Variants in UCK2 observed in about 807,000 individuals in gnomAD.
The protein encoded by UCK2 is cytidine monophosphokinase 2.
In UCK2, 6 loss-of-function variants were observed where a neutral mutation model predicts 30.8. The ratio of observed to expected loss-of-function variants is 0.19; its 90% CI spans 0.11 to 0.38. The LOEUF (loss-of-function observed/expected upper bound fraction) is 0.38, where lower values mean the gene tolerates loss of function less well. UCK2 is among the 10% of genes least tolerant of loss of function. UCK2 has a pLI of 1.00. For synonymous variants in UCK2, 125 were observed against 133.6 expected (o/e 0.94, Z 0.45); for missense variants, 210 against 339.8 (o/e 0.62, Z 3.00).
chr1:165,854,145 C>T (rs1243085896), intron 1 of UCK2, among the ~76,000 whole-genome samples: 1 of 152,146 alleles, frequency 6.6e-6, no homozygotes, highest in Non-Finnish European at 1.5e-5. Context: ...TTTCTGAGCG[C>T]ATAGGAAGCA....
Position 165,871,081 on chromosome 1 carries a change from G to T in UCK2, c.100-19123G>T, listed in dbSNP as rs183104816. 2.6e-5 allele frequency among the ~76,000 whole-genome samples: 4 copies of T among 152,294 alleles called. No individual in the cohort carries two copies. In the East Asian group the frequency reaches 7.7e-4, roughly 29 times the overall value. On this transcript the variant is annotated intron_variant, in intron 1 of 6. Transcript: ENST00000367879. ...CTGCCAGCGTTGCCCCTCCCAAAGTGCTGGGATTACAGGGGTGAGCCACCT... is the reference window on the plus strand; with the variant it reads ...CTGCCAGCGTTGCCCCTCCCAAAGTTCTGGGATTACAGGGGTGAGCCACCT...
intron 1 of UCK2, among the ~76,000 whole-genome samples, chr1:165,833,089 T>C (rs77445029): frequency 0.068 from 10,398 of 152,200 alleles, 1,166 homozygotes; most frequent in African/African-American, 0.24. Flanking sequence ...CTTCAGAATG[T>C]GCTCTGGACC....
chr1:165,859,742 C>CT (rs1445668686), intron 1 of UCK2, among the ~76,000 whole-genome samples: 1 of 152,092 alleles, frequency 6.6e-6, no homozygotes, highest in African/African-American at 2.4e-5. Flanking sequence ...TAGGGGGAAG[C>CT]TGAGGTAGGA....
chr1:165,883,067 G>T (rs1655539111), intron 1 of UCK2, among the ~76,000 whole-genome samples: 1 of 152,140 alleles, frequency 6.6e-6, no homozygotes, highest in Non-Finnish European at 1.5e-5. Context: ...CTCGTGATCT[G>T]CCTGACTCGG....
intron 1 of UCK2, among the ~76,000 whole-genome samples, chr1:165,828,795 G>A (rs1335901165): frequency 6.6e-6 from 1 of 152,166 alleles, no homozygotes; most frequent in Non-Finnish European, 1.5e-5. Flanking sequence ...TGCAGGTGGA[G>A]AAGGGTGGAG....
At chr1:165,891,469 G>A in intron 3 of UCK2, 147 bp downstream of exon 3, 2 of 689,626 alleles carry the variant, frequency 2.9e-6, no homozygotes, top group Non-Finnish European at 2.5e-6. Flanking sequence ...AGTGGAGTGG[G>A]TGGTGGCAGC....
intron 3 of UCK2, chr1:165,895,679 C>T: frequency 1.0e-6 from 1 of 983,336 alleles, no homozygotes; most frequent in Non-Finnish European, 1.2e-6. Flanking sequence ...CTTTATTTTC[C>T]CTCCTTCCCT....
chr1:165,889,975 G>A (rs1226007617), intron 1 of UCK2, among the ~76,000 whole-genome samples: 1 of 152,092 alleles, frequency 6.6e-6, no homozygotes, highest in Non-Finnish European at 1.5e-5. Flanking sequence ...AGTTTGCTAA[G>A]GATAGTGTCC....
At chr1:165,837,142 C>T (rs949878894) in intron 1 of UCK2, among the ~76,000 whole-genome samples, 1 of 152,240 alleles carries the variant, frequency 6.6e-6, no homozygotes, top group African/African-American at 2.4e-5. Context: ...CACTTCCCAA[C>T]ACTGCCACAT....
intron 1 of UCK2, among the ~76,000 whole-genome samples, chr1:165,859,736 G>A (rs1654847774): frequency 6.6e-6 from 1 of 152,116 alleles, no homozygotes; most frequent in Non-Finnish European, 1.5e-5. Context: ...GAGGAGTAGG[G>A]GGAAGCTGAG....
intron 4 of UCK2, among the ~76,000 whole-genome samples, chr1:165,902,144 G>A (rs1005729698): frequency 6.6e-6 from 1 of 152,120 alleles, no homozygotes; most frequent in Non-Finnish European, 1.5e-5. Flanking sequence ...GCTGAGGCAG[G>A]AGAATCGCTT....
chr1:165,872,811 A>G (rs746374154), intron 1 of UCK2, among the ~76,000 whole-genome samples: 17 of 152,206 alleles, frequency 1.1e-4, no homozygotes, highest in Non-Finnish European at 2.2e-4. Flanking sequence ...AAAATCATTC[A>G]CACATGGTTT....
At chr1:165,868,562 A>G (rs892385310) in intron 1 of UCK2, among the ~76,000 whole-genome samples, 4 of 152,210 alleles carry the variant, frequency 2.6e-5, no homozygotes, top group Admixed American at 2.6e-4. Flanking sequence ...TGTTAGGGAT[A>G]TGGTTTCTTA....
rs551565946 is a variant in UCK2 at position 165,849,336 on chromosome 1, G to A, written c.99+21404G>A. Among the ~76,000 whole-genome samples, 48 of 152,334 alleles carry A rather than the reference G, an allele frequency of 3.2e-4. No individual in the cohort carries two copies. In the Middle Eastern group the frequency reaches 0.01, roughly 32 times the overall value. ...GCTTCTGTTCTGAGAACCTGACCGA[G>A]AGGCAAAACATTGTCTCTATGTAGT... On this transcript the variant is annotated intron_variant, in intron 1 of 6. Transcript: ENST00000367879.
intron 1 of UCK2, among the ~76,000 whole-genome samples, chr1:165,881,742 G>A (rs193239050): frequency 5.1e-4 from 77 of 152,288 alleles, no homozygotes; most frequent in Non-Finnish European, 9.6e-4. Flanking sequence ...AGTTAATTTT[G>A]AACCACTTAA....
At chr1:165,831,125 G>T (rs552028340) in intron 1 of UCK2, among the ~76,000 whole-genome samples, 1 of 151,674 alleles carries the variant, frequency 6.6e-6, no homozygotes, top group Non-Finnish European at 1.5e-5. Context: ...ACCAAAAAAG[G>T]TTATGGCTGA....
chr1:165,906,444 GCA>G (rs1647662770), intron 6 of UCK2, among the ~76,000 whole-genome samples: 1 of 152,174 alleles, frequency 6.6e-6, no homozygotes, highest in South Asian at 2.1e-4. Context: ...AAGTGCAGTA[GCA>G]CAGTCACAGC....
rs369193672 is a variant in UCK2 at position 165,907,768 on chromosome 1, G to T, written c.731G>T (p.Gly244Val). ...CGGCAGACCAATGGCTGTCTCAACG[G>T]CTACACCCCTTCACGCAAGAGGCAG... ...SKRQTNGCLN[G>V]YTPSRKRQAS... The change falls in exon 7 of 7, where the codon GGC becomes GTC. Residue 244 changes from glycine to valine, a missense_variant. Gly to Val is a moderately radical substitution (Grantham distance 109). Coordinates refer to ENST00000367879, the MANE Select transcript of UCK2 (RefSeq NM_012474.5). 7.4e-6 allele frequency: 12 copies of T among 1,614,100 alleles called. No homozygotes were observed. The highest frequency in any genetic ancestry group is 1.0e-5 in the Non-Finnish European group (12 of 1,180,030).
chr1:165,879,520 C>A (rs1019587395), intron 1 of UCK2, among the ~76,000 whole-genome samples: 11 of 131,116 alleles, frequency 8.4e-5, no homozygotes, highest in Admixed American at 1.5e-4. Context: ...AAAAGAAAAT[C>A]ATTATATTCA....
Sources: gnomAD v4.1 joint callset for allele counts (sites outside exome capture counted in the v4.1 genomes callset) on GRCh38, gnomAD v4.1.1 for gene constraint, MANE v1.5 for transcripts, NCBI Gene and HGNC (gene_info 2026-07-23, HGNC 2026-07-21) for gene names.